THSD7A: variants seen among roughly 807,000 people sequenced by gnomAD.
The protein encoded by THSD7A is thrombospondin type-1 domain-containing protein 7A.
In THSD7A, 96 loss-of-function variants were observed where a neutral mutation model predicts 231.3. The observed-to-expected ratio is 0.41, with a 90% confidence interval of 0.35 to 0.49. The LOEUF (loss-of-function observed/expected upper bound fraction) is 0.49. THSD7A is among the 20% of genes least tolerant of loss of function. THSD7A has a pLI of 0.05. For synonymous variants in THSD7A, 940 were observed against 743.3 expected (o/e 1.26, Z -4.30); for missense variants, 2,290 against 2,070.2 (o/e 1.11, Z -2.06).
At chr7:11,560,304 C>G (rs1047026193) in intron 4 of THSD7A, among the ~76,000 whole-genome samples, 6 of 152,272 alleles carry the variant, frequency 3.9e-5, no homozygotes, top group Middle Eastern at 3.4e-3. Context: ...CTGACACTTT[C>G]AGCTAGGCCT....
At chr7:11,416,828 A>G (rs990559858) in intron 17 of THSD7A, among the ~76,000 whole-genome samples, 5 of 152,114 alleles carry the variant, frequency 3.3e-5, no homozygotes, top group Non-Finnish European at 7.4e-5. Context: ...ATGAGCCCCT[A>G]CTGGCTGTTG....
At chr7:11,394,818 T>A (rs1156280562) in intron 23 of THSD7A, among the ~76,000 whole-genome samples, 1 of 152,168 alleles carries the variant, frequency 6.6e-6, no homozygotes, top group East Asian at 1.9e-4. Context: ...ACTCATTTCA[T>A]TCATCGGTCG....
At chr7:11,663,380 A>G (rs1783006592) in intron 1 of THSD7A, among the ~76,000 whole-genome samples, 1 of 151,570 alleles carries the variant, frequency 6.6e-6, no homozygotes, top group Non-Finnish European at 1.5e-5. Context: ...GTCTGCAAGG[A>G]AAATGTTTGG....
chr7:11,657,961 G>C (rs951365947), intron 1 of THSD7A, among the ~76,000 whole-genome samples: 4 of 151,642 alleles, frequency 2.6e-5, no homozygotes, highest in African/African-American at 9.7e-5. Flanking sequence ...GAGTACCTGA[G>C]CTATGGAGGT....
chr7:11,460,202 GAA>G (rs1191405178), intron 11 of THSD7A, among the ~76,000 whole-genome samples: 3 of 152,132 alleles, frequency 2.0e-5, no homozygotes, highest in African/African-American at 7.2e-5. Context: ...CCATGAAAAT[GAA>G]AGAGATGTCA....
chr7:11,610,115 A>G (rs1219097180), intron 2 of THSD7A, among the ~76,000 whole-genome samples: 1 of 152,200 alleles, frequency 6.6e-6, no homozygotes, highest in East Asian at 1.9e-4. Flanking sequence ...ATATTTTAAG[A>G]TATTAATAAC....
At chr7:11,696,713 G>A (rs1780413302) in intron 1 of THSD7A, among the ~76,000 whole-genome samples, 2 of 151,338 alleles carry the variant, frequency 1.3e-5, no homozygotes, top group African/African-American at 4.8e-5. Flanking sequence ...AAACATGATG[G>A]GGCTACCTGG....
chr7:11,669,804 A>T (rs1219842714), intron 1 of THSD7A, among the ~76,000 whole-genome samples: 1 of 152,160 alleles, frequency 6.6e-6, no homozygotes, highest in Non-Finnish European at 1.5e-5. Context: ...GGAAAAAGAC[A>T]TGCTCCCAGC....
chr7:11,640,733 AAATAT>A (rs1782048394), intron 1 of THSD7A, among the ~76,000 whole-genome samples: 1 of 152,144 alleles, frequency 6.6e-6, no homozygotes. Context: ...CTACATATAA[AAATAT>A]AATATTTTAT....
intron 1 of THSD7A, among the ~76,000 whole-genome samples, chr7:11,829,514 A>G (rs1166695210): frequency 2.0e-5 from 3 of 152,134 alleles, no homozygotes; most frequent in Non-Finnish European, 4.4e-5. Context: ...AACAACTTTC[A>G]CTACATCATT....
Position 11,632,962 on chromosome 7 carries a change from T to C in THSD7A, c.1022+3168A>G, listed in dbSNP as rs1781709673. 6.6e-6 allele frequency among the ~76,000 whole-genome samples: 1 copy of C among 152,222 alleles called. No homozygotes were observed. The highest frequency in any genetic ancestry group is 2.1e-4 in the South Asian group (1 of 4,836). On this transcript the variant is annotated intron_variant, in intron 2 of 27. Coordinates refer to ENST00000423059, the MANE Select transcript of THSD7A (RefSeq NM_015204.3). The surrounding 1 kb of genome is among the most constrained non-coding windows in gnomAD (Gnocchi z 4.1). Reference sequence around the variant, plus strand: ...CCTTTGTTTGCATATCCATTATCTCTTTTAAAAATTAGTTTATTTGATGTT... The same window carrying C: ...CCTTTGTTTGCATATCCATTATCTCCTTTAAAAATTAGTTTATTTGATGTT...
intron 23 of THSD7A, 55 bp from the exon 24 acceptor site, chr7:11,382,671 C>A: frequency 7.8e-7 from 1 of 1,286,452 alleles, no homozygotes. Context: ...GAAGGACAAT[C>A]ATGGGGATAG....
At chr7:11,494,597 A>G (rs556490131) in intron 6 of THSD7A, among the ~76,000 whole-genome samples, 2 of 152,236 alleles carry the variant, frequency 1.3e-5, no homozygotes, top group South Asian at 4.1e-4. Flanking sequence ...TTCAAGCATG[A>G]TAATATGGCA....
chr7:11,636,634 A>G lies in THSD7A; in HGVS notation c.518T>C (p.Ile173Thr). 2.5e-6 allele frequency: 4 copies of G among 1,613,992 alleles called. No homozygotes were observed. Among genetic ancestry groups the G allele is most frequent in the Non-Finnish European group, 3.4e-6 (4 of 1,179,890 alleles). ...AGGCTTGGGCTCAAAGTACTCACAG[A>G]TGATATCCTCCGCAGGAATGTCTTT... The part of the protein sequence containing the change: ...KDKDIPAEDI[I>T]CEYFEPKPLL... The change falls in exon 2 of 28, where the codon ATC becomes ACC. Residue 173 changes from isoleucine (I) to threonine (T), a missense_variant. By Grantham distance (89) the Ile-to-Thr change is moderately conservative (BLOSUM62 -1). Coordinates refer to ENST00000423059, the MANE Select transcript of THSD7A (RefSeq NM_015204.3). This position sits in a 1 kb window ranked among gnomAD's most constrained non-coding sequence, Gnocchi z 10.0.
chr7:11,505,947 A>G (rs1787527089), intron 6 of THSD7A, among the ~76,000 whole-genome samples: 1 of 152,196 alleles, frequency 6.6e-6, no homozygotes, highest in Non-Finnish European at 1.5e-5. Context: ...CTTTGCAAAG[A>G]GCACCTGTTT....
At chr7:11,804,884 G>T (rs1433414370) in intron 1 of THSD7A, among the ~76,000 whole-genome samples, 1 of 152,168 alleles carries the variant, frequency 6.6e-6, no homozygotes, top group East Asian at 1.9e-4. Flanking sequence ...TGGTATGTTG[G>T]AAAAGTAATA....
intron 2 of THSD7A, among the ~76,000 whole-genome samples, chr7:11,605,375 G>C (rs1254645303): frequency 6.6e-6 from 1 of 152,104 alleles, no homozygotes; most frequent in Admixed American, 6.6e-5. Context: ...TTTTGCTGAA[G>C]TTTAACATCT....
intron 23 of THSD7A, among the ~76,000 whole-genome samples, chr7:11,397,228 T>C (rs1407869504): frequency 1.3e-5 from 2 of 152,058 alleles, no homozygotes; most frequent in Non-Finnish European, 2.9e-5. Flanking sequence ...TAAAAACCAA[T>C]GGAACACAAC....
intron 6 of THSD7A, among the ~76,000 whole-genome samples, chr7:11,525,079 C>T (rs555842150): frequency 6.6e-6 from 1 of 152,290 alleles, no homozygotes; most frequent in South Asian, 2.1e-4. Context: ...TTGACCAAAG[C>T]TACATTTTAA....
Sources: allele counts gnomAD v4.1 joint callset (sites outside exome capture counted in the v4.1 genomes callset), GRCh38; gene constraint gnomAD v4.1.1; non-coding constraint Gnocchi (gnomAD v3.1); transcripts MANE v1.5; gene names NCBI Gene and HGNC (gene_info 2026-07-23, HGNC 2026-07-21).